The following RPGRIP1L variants were observed in gnomAD, a reference collection of about 807,000 sequenced individuals.
The protein encoded by RPGRIP1L is protein fantom.
Under a neutral mutation model 160.4 loss-of-function variants are expected in RPGRIP1L, and 131 were observed. The observed-to-expected ratio is 0.82, with a 90% CI of 0.71 to 0.94. The LOEUF (loss-of-function observed/expected upper bound fraction) is 0.94, where lower values mean the gene tolerates loss of function less well. Ranked by LOEUF, RPGRIP1L falls within the 40% of genes least tolerant of loss-of-function variation. RPGRIP1L has a pLI of 0.00. For missense variants in RPGRIP1L, 1,522 were observed against 1,535.8 expected (o/e 0.99, Z 0.15); for synonymous variants, 510 against 515.8 (o/e 0.99, Z 0.15).
chr16:53,617,516 T>G (rs1054282959), intron 24 of RPGRIP1L, among the ~76,000 whole-genome samples: 8 of 152,216 alleles, frequency 5.3e-5, no homozygotes, highest in African/African-American at 1.9e-4. Flanking sequence ...GTGCATGAAA[T>G]GAAGGAGGAA....
In RPGRIP1L at chr16:53,692,240, C is replaced by T. The variant is rs1970435084; in HGVS notation, c.355G>A (p.Val119Ile). Residue 119 changes from valine (V) to isoleucine (I), a missense_variant, in exon 4 of 27, where the codon GTT becomes ATT. Transcript: ENST00000647211. ...EEMIEQLQEK[V>I]HELEKQNETL... Reference sequence around the variant, plus strand: ...TCATTTTGTTTTTCAAGCTCATGAACTTTCTCTTGCAGCTGCTCAATCATT... The same window carrying T: ...TCATTTTGTTTTTCAAGCTCATGAATTTTCTCTTGCAGCTGCTCAATCATT... The T allele has an allele frequency of 6.2e-7, 1 of 1,614,134 alleles. No individual in the cohort carries two copies. The highest frequency in any genetic ancestry group is 8.5e-7 in the Non-Finnish European group (1 of 1,180,026).
chr16:53,637,884 T>A (rs772727534), intron 20 of RPGRIP1L, 30 bp from the exon 21 acceptor site: 11 of 1,600,192 alleles, frequency 6.9e-6, no homozygotes, highest in Non-Finnish European at 9.4e-6. Context: ...CTGGTATATT[T>A]ATAATTGCTT....
intron 18 of RPGRIP1L, 45 bp from the exon 19 acceptor site, chr16:53,641,161 T>C: frequency 6.4e-7 from 1 of 1,561,090 alleles, no homozygotes. Flanking sequence ...TGATGACCAT[T>C]AGATTTCAGA....
chr16:53,672,520 A>G (rs943937511), intron 8 of RPGRIP1L, among the ~76,000 whole-genome samples: 2 of 152,224 alleles, frequency 1.3e-5, no homozygotes, highest in African/African-American at 4.8e-5. Context: ...TCAGAAACAG[A>G]TACAGTCCTG....
Position 53,601,804 on chromosome 16 carries a change from C to T in RPGRIP1L, c.*272G>A. ...TGTTGAAAATGCAAATAGACTTTCT[C>T]ACGCTATCACGTAGGTATAAATTAT... On this transcript the variant is annotated 3_prime_UTR_variant, in exon 27 of 27. Transcript: ENST00000647211. 3.1e-6 allele frequency: 1 copy of T among 321,706 alleles called. No individual in the cohort carries two copies. The highest frequency in any genetic ancestry group is 5.8e-6 in the Non-Finnish European group (1 of 171,532). The allele number at this position is 321,706 out of a possible 1,614,324, so 19.9% of individuals were successfully genotyped here.
At chr16:53,632,981 T>C (rs1457995151) in intron 22 of RPGRIP1L, among the ~76,000 whole-genome samples, 1 of 152,178 alleles carries the variant, frequency 6.6e-6, no homozygotes, top group Non-Finnish European at 1.5e-5. Flanking sequence ...AGACTATGAA[T>C]TCTTTGAGGG....
In RPGRIP1L at chr16:53,696,256, A is replaced by G; in HGVS notation, c.125T>C (p.Val42Ala). Residue 42 changes from valine (V) to alanine (A), a missense_variant, in exon 3 of 27, where the codon GTG (valine) becomes GCG (alanine). Physicochemically the swap from Val to Ala is moderately conservative, Grantham distance 64. Transcript: ENST00000647211. ...CAGTTCCTCACGACTGACACGTGAC[A>G]CTGCCTGGCGAGACTTCATTGTCCG... The part of the protein sequence containing the change: ...TTRTMKSRQA[V>A]SRVSREELED... 1 of 1,614,060 alleles carries G rather than the reference A, an allele frequency of 6.2e-7. No homozygotes were observed.
At chr16:53,623,581 T>G (rs963722916) in intron 22 of RPGRIP1L, among the ~76,000 whole-genome samples, 1 of 152,234 alleles carries the variant, frequency 6.6e-6, no homozygotes, top group Admixed American at 6.5e-5. Context: ...CTGTTATTTA[T>G]TGTGTGAAAT....
intron 24 of RPGRIP1L, among the ~76,000 whole-genome samples, chr16:53,615,314 T>TC (rs1598229229): frequency 6.6e-6 from 1 of 151,998 alleles, no homozygotes; most frequent in African/African-American, 2.4e-5. Flanking sequence ...TCTTATTTTT[T>TC]CCCAAACTAT....
At chr16:53,647,678 T>A (rs569659916) in intron 16 of RPGRIP1L, among the ~76,000 whole-genome samples, 1 of 152,194 alleles carries the variant, frequency 6.6e-6, no homozygotes, top group African/African-American at 2.4e-5. Context: ...GCTCCATGGA[T>A]TGGAGGTGAA....
At chr16:53,606,856 T>C (rs1598208254) in intron 25 of RPGRIP1L, among the ~76,000 whole-genome samples, 1 of 152,172 alleles carries the variant, frequency 6.6e-6, no homozygotes, top group Admixed American at 6.5e-5. Context: ...TCAGGTGATC[T>C]GCCCACCTCG....
At chr16:53,687,252 A>G (rs1884664339) in intron 5 of RPGRIP1L, among the ~76,000 whole-genome samples, 1 of 152,154 alleles carries the variant, frequency 6.6e-6, no homozygotes, top group African/African-American at 2.4e-5. Flanking sequence ...AAGTATTGTT[A>G]CTTTTTGATG....
At chr16:53,668,563 T>C (rs969599729) in intron 9 of RPGRIP1L, among the ~76,000 whole-genome samples, 6 of 152,150 alleles carry the variant, frequency 3.9e-5, no homozygotes, top group Non-Finnish European at 8.8e-5. Flanking sequence ...GAAGAAGCTC[T>C]GAAGAGGTGG....
Position 53,601,061 on chromosome 16 carries a change from T to C in RPGRIP1L, c.*1015A>G, listed in dbSNP as rs1358856157. ...CCTAGACCTCTAGAGACAATTCCTTTGCAGCATTGATTCACAGCTCCATTA... is the reference window on the plus strand; with the variant it reads ...CCTAGACCTCTAGAGACAATTCCTTCGCAGCATTGATTCACAGCTCCATTA... On this transcript the variant is annotated 3_prime_UTR_variant, in exon 27 of 27. Transcript: ENST00000647211. 6.6e-6 allele frequency: 1 copy of C among 152,652 alleles called. No homozygotes were observed. Among genetic ancestry groups the C allele is most frequent in the Non-Finnish European group, 1.5e-5 (1 of 68,044 alleles). 9.5% of individuals were successfully genotyped at this position (152,652 alleles called of 1,614,324 possible).
chr16:53,675,822 T>C (rs1418905695), intron 6 of RPGRIP1L, among the ~76,000 whole-genome samples: 1 of 152,166 alleles, frequency 6.6e-6, no homozygotes, highest in Non-Finnish European at 1.5e-5. Context: ...AAATGTAGAA[T>C]TTAACAGGAA....
In RPGRIP1L at chr16:53,605,096, G is replaced by C. The variant is rs574904920; in HGVS notation, c.3835+385C>G. On this transcript the variant is annotated intron_variant, in intron 26 of 26. Coordinates refer to ENST00000647211, the MANE Select transcript of RPGRIP1L (RefSeq NM_015272.5). Reference sequence around the variant, plus strand: ...CCTGGGAGGCTGAGGTGGGAGAATTGCTTGAGCCTAGGAAGTCGAGGCTGC... The same window carrying C: ...CCTGGGAGGCTGAGGTGGGAGAATTCCTTGAGCCTAGGAAGTCGAGGCTGC... 1.6e-4 allele frequency among the ~76,000 whole-genome samples: 25 copies of C among 152,000 alleles called. No individual in the cohort carries two copies. The South Asian group carries it at 5.0e-3, about 30-fold the overall frequency.
chr16:53,629,970 CT>C (rs1965419384), intron 22 of RPGRIP1L, among the ~76,000 whole-genome samples: 1 of 152,174 alleles, frequency 6.6e-6, no homozygotes. Context: ...CAAACATTTT[CT>C]TTGCTTACAT....
At chr16:53,605,667 C>G in intron 25 of RPGRIP1L, 53 bp from the exon 26 acceptor site, 1 of 1,590,586 alleles carries the variant, frequency 6.3e-7, no homozygotes, top group South Asian at 1.1e-5. Context: ...GAAATCACCA[C>G]GAGACAAAAC....
intron 4 of RPGRIP1L, among the ~76,000 whole-genome samples, chr16:53,690,566 G>A (rs544486495): frequency 2.0e-5 from 3 of 152,290 alleles, no homozygotes; most frequent in African/African-American, 7.2e-5. Flanking sequence ...CTGGGCTCAA[G>A]TAATCTTCCC....
Sources: allele counts gnomAD v4.1 joint callset (sites outside exome capture counted in the v4.1 genomes callset), GRCh38; gene constraint gnomAD v4.1.1; transcripts MANE v1.5; gene names NCBI Gene and HGNC (gene_info 2026-07-23, HGNC 2026-07-21).